NSUN2: variants seen among roughly 807,000 people sequenced by gnomAD.
NSUN2 encodes RNA cytosine C(5)-methyltransferase NSUN2.
Under a neutral mutation model 92.7 loss-of-function variants are expected in NSUN2, and 63 were observed. The observed-to-expected ratio is 0.68, with a 90% CI of 0.56 to 0.84. The LOEUF is 0.84. Among genes scored for constraint, NSUN2 ranks in the 40% least tolerant of loss-of-function variants. The pLI is 0.00. For missense variants in NSUN2, 989 were observed against 964.9 expected, an observed-to-expected ratio of 1.02 and a Z score of -0.33; for synonymous variants, 356 against 348.3, an observed-to-expected ratio of 1.02 and a Z score of -0.25.
At chr5:6,626,713 T>C (rs533239086) in intron 3 of NSUN2, among the ~76,000 whole-genome samples, 1 of 152,222 alleles carries the variant, frequency 6.6e-6, no homozygotes, top group Non-Finnish European at 1.5e-5. Flanking sequence ...ATGAGCACAC[T>C]GATGTCATGC....
chr5:6,625,321 G>A (rs1212964633), intron 4 of NSUN2, among the ~76,000 whole-genome samples: 1 of 152,078 alleles, frequency 6.6e-6, no homozygotes, highest in Admixed American at 6.6e-5. Context: ...ACAAGCAAGA[G>A]GAAACAAGAA....
At chr5:6,623,156 C>A in intron 5 of NSUN2, 58 bp downstream of exon 5, 1 of 1,447,062 alleles carries the variant, frequency 6.9e-7, no homozygotes, top group Non-Finnish European at 9.3e-7. Flanking sequence ...TCAAAACAAA[C>A]AGGCATGACA....
intron 13 of NSUN2, 138 bp from the exon 14 acceptor site, chr5:6,607,050 A>T: frequency 1.0e-6 from 1 of 983,562 alleles, no homozygotes; most frequent in African/African-American, 1.6e-5. Context: ...TCCGGCTTCC[A>T]CAGAGTCCAG....
rs371229409 is a variant in NSUN2, at chr5:6,632,704, T to G, written c.149A>C (p.His50Pro). ...CACGATCTTGAGCTCCTGGTAGTAG[T>G]GCTCGAACAGCTTGTTCTCCTTGAC... ...EIVKENKLFE[H>P]YYQELKIVPE... is the part of the protein sequence containing the mutation. The change falls in exon 2 of 19, where the codon CAC (histidine) becomes CCC (proline). Residue 50 changes from histidine (H) to proline (P), a missense_variant. His to Pro is a moderately conservative substitution (Grantham distance 77). Coordinates refer to ENST00000264670, the MANE Select transcript of NSUN2 (RefSeq NM_017755.6). 9.5e-5 allele frequency: 153 copies of G among 1,613,978 alleles called. No individual in the cohort carries two copies. The highest frequency in any genetic ancestry group is 1.2e-4 in the Non-Finnish European group (141 of 1,180,018).
Position 6,600,012 on chromosome 5 carries a change from C to T in NSUN2, c.2218G>A (p.Glu740Lys), listed in dbSNP as rs1368308800. The change falls in exon 19 of 19, where the codon GAG (glutamate) becomes AAG (lysine). Residue 740 changes from glutamate (E) to lysine (K), a missense_variant. By Grantham distance (56) the Glu-to-Lys change is moderately conservative (BLOSUM62 1). Coordinates refer to ENST00000264670, the MANE Select transcript of NSUN2 (RefSeq NM_017755.6). Reference protein sequence around the residue: ...NDVTEGQRAGEPNSPDAEEAN... With the variant: ...NDVTEGQRAGKPNSPDAEEAN... ...TCTTCTGCATCTGGGCTGTTGGGCT[C>T]TCCTGCTCTCTGTCCCTCAGTCACG... The T allele has an allele frequency of 1.2e-6, 2 of 1,614,244 alleles. No individual in the cohort carries two copies. Among genetic ancestry groups the T allele is most frequent in the Non-Finnish European group, 1.7e-6 (2 of 1,180,034 alleles).
intron 3 of NSUN2, among the ~76,000 whole-genome samples, chr5:6,626,828 A>C (rs1737675759): frequency 6.6e-6 from 1 of 152,218 alleles, no homozygotes; most frequent in East Asian, 1.9e-4. Context: ...GCAGTAATAC[A>C]CTCAATTTAA....
intron 13 of NSUN2, 83 bp from the exon 14 acceptor site, chr5:6,606,995 C>A: frequency 1.0e-6 from 1 of 986,484 alleles, no homozygotes; most frequent in South Asian, 1.5e-5. Context: ...TCCTTTCTGT[C>A]AGTTCTGTGC....
At chr5:6,602,342 ACAAT>A (rs1736590280) in intron 18 of NSUN2, 115 bp downstream of exon 18, 2 of 955,886 alleles carry the variant, frequency 2.1e-6, no homozygotes, top group Non-Finnish European at 3.3e-6. Context: ...CTTCTGAGGA[ACAAT>A]CACAAAAGGC....
Position 6,600,048 on chromosome 5 carries a change from G to T in NSUN2, c.2182C>A (p.Pro728Thr). Reference sequence around the variant, plus strand: ...TGTCCCTCAGTCACGTCATTGTCTGGCTGTCCGGTGCTGGCTGCACTCTCA... The same window carrying T: ...TGTCCCTCAGTCACGTCATTGTCTGTCTGTCCGGTGCTGGCTGCACTCTCA... The part of the protein sequence containing the change: ...TNESAASTGQ[P>T]DNDVTEGQRA... The change falls in exon 19 of 19, where the codon CCA becomes ACA. Residue 728 changes from proline to threonine, a missense_variant. By Grantham distance (38) the Pro-to-Thr change is conservative (BLOSUM62 -1). Around this residue, in one of 3 missense-constraint regions of NSUN2, gnomAD observed 626 missense variants for 602.3 expected, o/e 1.04. Coordinates refer to ENST00000264670, the MANE Select transcript of NSUN2 (RefSeq NM_017755.6). 1 of 1,614,216 alleles carries T rather than the reference G, an allele frequency of 6.2e-7. No individual in the cohort carries two copies. Among genetic ancestry groups the T allele is most frequent in the African/African-American group, 1.3e-5 (1 of 75,044 alleles).
At chr5:6,608,652 TA>T (rs1736875384) in intron 12 of NSUN2, among the ~76,000 whole-genome samples, 1 of 152,248 alleles carries the variant, frequency 6.6e-6, no homozygotes, top group Admixed American at 6.5e-5. Flanking sequence ...TCTATGTAAG[TA>T]TTAACACGTC....
rs1161525109 is a variant in NSUN2 at position 6,633,025 on chromosome 5, G to T, written c.-46C>A. 3.6e-5 allele frequency: 51 copies of T among 1,406,348 alleles called. 1 individual carries two copies. Among genetic ancestry groups the T allele is most frequent in the Non-Finnish European group, 4.3e-5 (47 of 1,089,114 alleles). The allele number at this position is 1,406,348 out of a possible 1,614,324, so 87.1% of individuals were successfully genotyped here. On this transcript the variant is annotated 5_prime_UTR_variant, in exon 1 of 19. Coordinates refer to ENST00000264670, the MANE Select transcript of NSUN2 (RefSeq NM_017755.6). ...CAGCACGCAGAAACCGGCCCGCCACGGCCAGAACTCTAGCCCTACACCTCC... is the reference window on the plus strand; with the variant it reads ...CAGCACGCAGAAACCGGCCCGCCACTGCCAGAACTCTAGCCCTACACCTCC...
In NSUN2 at chr5:6,600,026, C is replaced by T. The variant is rs1238904495; in HGVS notation, c.2204G>A (p.Gly735Glu). The change falls in exon 19 of 19, where the codon GGA (glycine) becomes GAA (glutamate). Residue 735 changes from glycine to glutamate, a missense_variant. Gly to Glu is a moderately conservative substitution (Grantham distance 98). Transcript: ENST00000264670. ...TGQPDNDVTE[G>E]QRAGEPNSPD... The stretch of plus-strand genomic sequence containing the variant: ...GCTGTTGGGCTCTCCTGCTCTCTGT[C>T]CCTCAGTCACGTCATTGTCTGGCTG... 1.9e-6 allele frequency: 3 copies of T among 1,614,114 alleles called. No individual in the cohort carries two copies. The highest frequency in any genetic ancestry group is 2.5e-6 in the Non-Finnish European group (3 of 1,180,038).
rs3217325 is a variant in NSUN2 at position 6,607,012 on chromosome 5, GAAC to G, written c.1509-103_1509-101del. 0.67 allele frequency: 637,019 copies of G among 956,044 alleles called. 213,857 individuals are homozygous for G. Among genetic ancestry groups the G allele is most frequent in the Middle Eastern group, 0.74 (3,407 of 4,614 alleles). 59.2% of individuals were successfully genotyped at this position (956,044 alleles called of 1,614,324 possible). A position where few individuals can be genotyped will look rare whatever the true frequency, so the allele number is the denominator to read the frequency against. On this transcript the variant is annotated intron_variant, in intron 13 of 18. Transcript: ENST00000264670. ...CTTTCTGTCAGTTCTGTGCAACATG[GAAC>G]GGTTTGCGGCAGATGTTGAAACCTT...
intron 9 of NSUN2, among the ~76,000 whole-genome samples, chr5:6,613,235 A>G (rs1688369078): frequency 6.6e-6 from 1 of 152,272 alleles, no homozygotes. Context: ...TTGGAATGTT[A>G]GGTGAAAAAG....
chr5:6,605,473 A>T, intron 14 of NSUN2, 65 bp from the exon 15 acceptor site: 8 of 1,540,734 alleles, frequency 5.2e-6, no homozygotes, highest in Non-Finnish European at 7.1e-6. Context: ...GTTTCTAAAC[A>T]TCTTATTCTC....
At chr5:6,617,105 T>TATA (rs1737245368) in intron 8 of NSUN2, among the ~76,000 whole-genome samples, 1 of 152,094 alleles carries the variant, frequency 6.6e-6, no homozygotes, top group Admixed American at 6.5e-5. Context: ...ACCAGCAGAG[T>TATA]ATAAAGTTCA....
chr5:6,629,205 T>C lies in NSUN2; in HGVS notation c.359+2668A>G, dbSNP rs549270964. The stretch of plus-strand genomic sequence containing the variant: ...GGCAGAGAGCAATTCACCTTCATTC[T>C]TCAACTACAGACAACCTGCAGATTC... On this transcript the variant is annotated intron_variant, in intron 3 of 18. Coordinates refer to ENST00000264670, the MANE Select transcript of NSUN2 (RefSeq NM_017755.6). Among the ~76,000 whole-genome samples, 38 of 152,350 alleles carry C rather than the reference T, an allele frequency of 2.5e-4. 1 individual carries two copies. The highest frequency in any genetic ancestry group is 2.2e-3 in the Admixed American group (34 of 15,304).
intron 18 of NSUN2, 61 bp downstream of exon 18, chr5:6,602,393 CACCAACG>C: frequency 6.7e-7 from 1 of 1,491,384 alleles, no homozygotes; most frequent in East Asian, 2.3e-5. Context: ...TCACTTTCCT[CACCAACG>C]AGAACACTGT....
At chr5:6,616,006 G>A (rs922942443) in intron 9 of NSUN2, among the ~76,000 whole-genome samples, 4 of 152,214 alleles carry the variant, frequency 2.6e-5, no homozygotes, top group Admixed American at 2.6e-4. Flanking sequence ...AAGTGTCCCT[G>A]AATGTGTAGA....
Sources: allele counts gnomAD v4.1 joint callset (sites outside exome capture counted in the v4.1 genomes callset), GRCh38; gene constraint gnomAD v4.1.1; regional missense constraint gnomAD v4.1.1; transcripts MANE v1.5; gene names NCBI Gene and HGNC (gene_info 2026-07-23, HGNC 2026-07-21).